The following CAMSAP3 variants were observed in gnomAD, a reference collection of about 807,000 sequenced individuals.
The protein encoded by CAMSAP3 is calmodulin-regulated spectrin-associated protein 3.
Under a neutral mutation model 112.5 loss-of-function variants are expected in CAMSAP3, and 34 were observed. That is an observed-to-expected ratio of 0.30 (90% confidence interval 0.23 to 0.40). CAMSAP3 has a LOEUF of 0.40. Ranked by LOEUF, CAMSAP3 falls within the 10% of genes least tolerant of loss-of-function variation. The pLI is 1.00. For synonymous variants in CAMSAP3, 868 were observed against 799.8 expected, an observed-to-expected ratio of 1.09 and a Z score of -1.44; for missense variants, 1,602 against 1,770.3, an observed-to-expected ratio of 0.90 and a Z score of 1.71.
At chr19:7,608,090 G>C in intron 4 of CAMSAP3, 36 bp from the exon 5 acceptor site, 1 of 1,597,384 alleles carries the variant, frequency 6.3e-7, no homozygotes, top group Non-Finnish European at 8.5e-7. Context: ...CTGGGGGCCA[G>C]CCTGGCCACT....
At chr19:7,606,448 G>C in intron 3 of CAMSAP3, 28 bp from the exon 4 acceptor site, 1 of 1,608,934 alleles carries the variant, frequency 6.2e-7, no homozygotes, top group South Asian at 1.1e-5. Flanking sequence ...CCAGTGGCCA[G>C]ACCACTGACC....
At position 7,615,433 on chromosome 19, in the gene CAMSAP3, G is replaced by T; in HGVS notation, c.2826G>T (p.Glu942Asp). ...TGATCTGCAGGCTGGCCCAAGAGGA[G>T]GCCCCGGGCCCAGCCCCGCTTGTGT... ...REEAARLAQEEAPGPAPLVSA... is the reference protein window; with the variant it reads ...REEAARLAQEDAPGPAPLVSA... The change falls in exon 13 of 17, where the codon GAG (glutamate) becomes GAT (aspartate). Residue 942 changes from glutamate to aspartate, a missense_variant. Physicochemically the swap from Glu to Asp is conservative, Grantham distance 45 (BLOSUM62 2). Around this residue, in one of 6 missense-constraint regions of CAMSAP3, gnomAD observed 1,100 missense variants for 1,135.7 expected, o/e 0.97. Coordinates refer to ENST00000160298, the MANE Select transcript of CAMSAP3 (RefSeq NM_020902.2). This position sits in a 1 kb window ranked among gnomAD's most constrained non-coding sequence, Gnocchi z 6.5. 1.3e-6 allele frequency: 2 copies of T among 1,540,908 alleles called. No individual in the cohort carries two copies. Among genetic ancestry groups the T allele is most frequent in the South Asian group, 1.2e-5 (1 of 83,910 alleles).
Position 7,607,749 on chromosome 19 carries a change from C to T in CAMSAP3, c.622-377C>T, listed in dbSNP as rs536410325. 55 of 577,206 alleles carry T rather than the reference C, an allele frequency of 9.5e-5. No homozygotes were observed. Among genetic ancestry groups the T allele is most frequent in the East Asian group, 2.2e-4 (7 of 31,608 alleles). The allele number at this position is 577,206 out of a possible 1,614,324, so 35.8% of individuals were successfully genotyped here. A position where few individuals can be genotyped will look rare whatever the true frequency, so the allele number is the denominator to read the frequency against. On this transcript the variant is annotated intron_variant, in intron 4 of 16. Transcript: ENST00000160298. The surrounding 1 kb of genome is among the most constrained non-coding windows in gnomAD (Gnocchi z 4.9). ...CCAGGGTCAGGGCTACCCCCTCCCC[C>T]CCAAGGTGGGCTTGGGGGCCCAGCA...
At position 7,617,642 on chromosome 19, in the gene CAMSAP3, A is replaced by C; in HGVS notation, c.3425A>C (p.Gln1142Pro). ...CCLAGKVNEP[Q>P]KNRILEEIEK... ...CTGGCGGGCAAGGTGAACGAACCGC[A>C]GAAGAATCGCATTCTGGAGGTGAGC... The change falls in exon 16 of 17, where the codon CAG (glutamine) becomes CCG (proline). Residue 1142 changes from glutamine (Q) to proline (P), a missense_variant. By Grantham distance (76) the Gln-to-Pro change is moderately conservative (BLOSUM62 -1). Coordinates refer to ENST00000160298, the MANE Select transcript of CAMSAP3 (RefSeq NM_020902.2). This position sits in a 1 kb window ranked among gnomAD's most constrained non-coding sequence, Gnocchi z 7.5. 1 of 1,614,176 alleles carries C rather than the reference A, an allele frequency of 6.2e-7. No individual in the cohort carries two copies. Among genetic ancestry groups the C allele is most frequent in the Non-Finnish European group, 8.5e-7 (1 of 1,180,022 alleles).
In CAMSAP3 at chr19:7,617,513, C is replaced by T. The variant is rs756055339; in HGVS notation, c.3326-30C>T. 27 of 1,609,902 alleles carry T rather than the reference C, an allele frequency of 1.7e-5. No individual in the cohort carries two copies. The Admixed American group carries it at 3.5e-4, about 21-fold the overall frequency. ...CAGCCCCTGCTCATTCCTGCTGCCC[C>T]CCACCCCCTCCCACTGCCTCACCCT... On this transcript the variant is annotated intron_variant, in intron 15 of 16. Transcript: ENST00000160298. The surrounding 1 kb of genome is among the most constrained non-coding windows in gnomAD (Gnocchi z 7.5).
In CAMSAP3 at chr19:7,595,917, GC is replaced by G; in HGVS notation, c.-85del. On this transcript the variant is annotated 5_prime_UTR_variant, in exon 1 of 17. Transcript: ENST00000160298. ...GGCGGCGGCAGCGGCGGTAGCAGCA[GC>G]GGGCCCGGCTGGGGCGCGAGCGCGG... The G allele has an allele frequency of 1.6e-6, 1 of 644,618 alleles. No individual in the cohort carries two copies. Among genetic ancestry groups the G allele is most frequent in the Non-Finnish European group, 1.9e-6 (1 of 519,892 alleles). 39.9% of individuals were successfully genotyped at this position (644,618 alleles called of 1,614,324 possible).
At position 7,596,343 on chromosome 19, in the gene CAMSAP3, G is replaced by A. The variant is rs2146148432; in HGVS notation, c.148+193G>A. Among the ~76,000 whole-genome samples, 2 of 151,192 alleles carry A rather than the reference G, an allele frequency of 1.3e-5. 1 individual carries two copies. Among genetic ancestry groups the A allele is most frequent in the South Asian group, 4.1e-4 (2 of 4,824 alleles). ...CTGCTCGGCCCGGGCGGTGGACTTT[G>A]CCCCGCCGGCTGCGGGAGCGCGGTG... On this transcript the variant is annotated intron_variant, in intron 1 of 16. Coordinates refer to ENST00000160298, the MANE Select transcript of CAMSAP3 (RefSeq NM_020902.2).
At position 7,596,546 on chromosome 19, in the gene CAMSAP3, C is replaced by G. The variant is rs561501210; in HGVS notation, c.148+396C>G. The stretch of plus-strand genomic sequence containing the variant: ...CTTCTCTTTTACACACATCACGCCC[C>G]TGCGAGGATCTCCTCTCGGTCTCTT... On this transcript the variant is annotated intron_variant, in intron 1 of 16. Coordinates refer to ENST00000160298, the MANE Select transcript of CAMSAP3 (RefSeq NM_020902.2). 1.9e-3 allele frequency among the ~76,000 whole-genome samples: 290 copies of G among 152,264 alleles called. 1 individual carries two copies. Among genetic ancestry groups the G allele is most frequent in the African/African-American group, 6.4e-3 (267 of 41,566 alleles).
intron 1 of CAMSAP3, 23 bp downstream of exon 1, chr19:7,596,173 G>T: frequency 1.3e-6 from 1 of 799,476 alleles, no homozygotes; most frequent in South Asian, 5.7e-5. Flanking sequence ...GGGGGACCGG[G>T]GTCGGGGGCG....
Position 7,595,967 on chromosome 19 carries a change from G to A in CAMSAP3, c.-36G>A. 3 of 1,027,424 alleles carry A rather than the reference G, an allele frequency of 2.9e-6. No homozygotes were observed. Among genetic ancestry groups the A allele is most frequent in the Non-Finnish European group, 3.5e-6 (3 of 850,406 alleles). 63.6% of individuals were successfully genotyped at this position (1,027,424 alleles called of 1,614,324 possible). A position where few individuals can be genotyped will look rare whatever the true frequency, so the allele number is the denominator to read the frequency against. On this transcript the variant is annotated 5_prime_UTR_variant, in exon 1 of 17. Transcript: ENST00000160298. ...GGCGCAGCCCAGCCCAGCCCAGTCC[G>A]AGCGCGGACCCGGCGCCCGCAGCCC... is the stretch of plus-strand genomic sequence containing the variant.
At chr19:7,598,522 C>T (rs560366558) in intron 1 of CAMSAP3, among the ~76,000 whole-genome samples, 1 of 152,122 alleles carries the variant, frequency 6.6e-6, no homozygotes, top group Non-Finnish European at 1.5e-5. Flanking sequence ...CTCCAAGGCA[C>T]AGGTGTGAGA....
intron 11 of CAMSAP3, among the ~76,000 whole-genome samples, chr19:7,613,649 G>A (rs2030627114): frequency 6.6e-6 from 1 of 151,882 alleles, no homozygotes; most frequent in African/African-American, 2.4e-5. Context: ...AAACAGGGAG[G>A]AGTCATGGAT....
chr19:7,617,415 C>T lies in CAMSAP3; in HGVS notation c.3302C>T (p.Pro1101Leu). ...GAAAATGGCAGCAATGCCTCCTCCCCAGCGTCAGTGCCCGAGTACACAGGT... is the reference window on the plus strand; with the variant it reads ...GAAAATGGCAGCAATGCCTCCTCCCTAGCGTCAGTGCCCGAGTACACAGGT... ...DWENGSNASS[P>L]ASVPEYTGPR... Residue 1101 changes from proline to leucine, a missense_variant, in exon 15 of 17, where the codon CCA becomes CTA. Physicochemically the swap from Pro to Leu is moderately conservative, Grantham distance 98. Around this residue, in one of 6 missense-constraint regions of CAMSAP3, gnomAD observed 1,100 missense variants for 1,135.7 expected, o/e 0.97. Coordinates refer to ENST00000160298, the MANE Select transcript of CAMSAP3 (RefSeq NM_020902.2). The surrounding 1 kb of genome is among the most constrained non-coding windows in gnomAD (Gnocchi z 7.5). 3 of 1,614,062 alleles carry T rather than the reference C, an allele frequency of 1.9e-6. No homozygotes were observed. Among genetic ancestry groups the T allele is most frequent in the Non-Finnish European group, 1.7e-6 (2 of 1,179,976 alleles).
rs1193884101 is a variant in CAMSAP3 at position 7,611,039 on chromosome 19, G to C, written c.1050-56G>C. 2.5e-6 allele frequency: 4 copies of C among 1,604,956 alleles called. No individual in the cohort carries two copies. Among genetic ancestry groups the C allele is most frequent in the Non-Finnish European group, 3.4e-6 (4 of 1,172,738 alleles). Reference sequence around the variant, plus strand: ...GGGTGATGCTGTTGTCTCCCCCCGGGGAGAGGCGGAGGAGGAGGTGGGGGT... The same window carrying C: ...GGGTGATGCTGTTGTCTCCCCCCGGCGAGAGGCGGAGGAGGAGGTGGGGGT... On this transcript the variant is annotated intron_variant, in intron 8 of 16. Transcript: ENST00000160298. This position sits in a 1 kb window ranked among gnomAD's most constrained non-coding sequence, Gnocchi z 6.9.
In CAMSAP3 at chr19:7,615,081, C is replaced by A; in HGVS notation, c.2671-102C>A. 7.0e-7 allele frequency: 1 copy of A among 1,420,664 alleles called. No homozygotes were observed. Among genetic ancestry groups the A allele is most frequent in the Non-Finnish European group, 9.7e-7 (1 of 1,031,654 alleles). The allele number at this position is 1,420,664 out of a possible 1,614,324, so 88.0% of individuals were successfully genotyped here. ...AGTGCATTTAGAACAATGATGAAAACAAAAGCACAGGTGGGTGGCGGGCAG... is the reference window on the plus strand; with the variant it reads ...AGTGCATTTAGAACAATGATGAAAAAAAAAGCACAGGTGGGTGGCGGGCAG... On this transcript the variant is annotated intron_variant, in intron 11 of 16. Coordinates refer to ENST00000160298, the MANE Select transcript of CAMSAP3 (RefSeq NM_020902.2). The surrounding 1 kb of genome is among the most constrained non-coding windows in gnomAD (Gnocchi z 6.5).
chr19:7,614,427 A>G (rs2146174428), intron 11 of CAMSAP3, among the ~76,000 whole-genome samples: 1 of 148,674 alleles, frequency 6.7e-6, no homozygotes, highest in East Asian at 2.0e-4. Flanking sequence ...GTTCACTGCA[A>G]CCTCCACCTC....
rs981212281 is a variant in CAMSAP3, at chr19:7,615,918, G to C, written c.3112+199G>C. 1.3e-5 allele frequency among the ~76,000 whole-genome samples: 2 copies of C among 152,076 alleles called. No homozygotes were observed. Among genetic ancestry groups the C allele is most frequent in the Non-Finnish European group, 2.9e-5 (2 of 67,980 alleles). On this transcript the variant is annotated intron_variant, in intron 13 of 16. Transcript: ENST00000160298. The surrounding 1 kb of genome is among the most constrained non-coding windows in gnomAD (Gnocchi z 6.5). ...AAGACTTCCATAGGGGGCCGGGCGC[G>C]GTGGCTCACGCCTGTAATCCCAGCA... is the stretch of plus-strand genomic sequence containing the variant.
rs777577670 is a variant in CAMSAP3 at position 7,612,618 on chromosome 19, G to T, written c.2125G>T (p.Ala709Ser). 1 of 1,526,400 alleles carries T rather than the reference G, an allele frequency of 6.6e-7. No individual in the cohort carries two copies. Among genetic ancestry groups the T allele is most frequent in the Non-Finnish European group, 8.8e-7 (1 of 1,139,538 alleles). The allele number at this position is 1,526,400 out of a possible 1,614,324, so 94.6% of individuals were successfully genotyped here. A position where few individuals can be genotyped will look rare whatever the true frequency, so the allele number is the denominator to read the frequency against. Residue 709 changes from alanine to serine, a missense_variant, in exon 11 of 17, where the codon GCC becomes TCC. By Grantham distance (99) the Ala-to-Ser change is moderately conservative (BLOSUM62 1). Around this residue, in one of 6 missense-constraint regions of CAMSAP3, gnomAD observed 1,100 missense variants for 1,135.7 expected, o/e 0.97. Coordinates refer to ENST00000160298, the MANE Select transcript of CAMSAP3 (RefSeq NM_020902.2). ...YNRAVSKLSA[A>S]LSSLQRDMQR... The stretch of plus-strand genomic sequence containing the variant: ...TCGAGCGGTCAGCAAGCTGAGTGCC[G>T]CCTTGAGCTCGCTGCAGCGGGACAT...
chr19:7,595,901 A>G lies in CAMSAP3; in HGVS notation c.-102A>G, dbSNP rs574567910. On this transcript the variant is annotated 5_prime_UTR_variant, in exon 1 of 17. Coordinates refer to ENST00000160298, the MANE Select transcript of CAMSAP3 (RefSeq NM_020902.2). The stretch of plus-strand genomic sequence containing the variant: ...CAGCGGCGGCGGCGGCGGCGGCGGC[A>G]GCGGCGGTAGCAGCAGCGGGCCCGG... The G allele has an allele frequency of 1.5e-5, 7 of 470,438 alleles. No homozygotes were observed. The highest frequency in any genetic ancestry group is 1.9e-5 in the Non-Finnish European group (7 of 364,414). 29.1% of individuals were successfully genotyped at this position (470,438 alleles called of 1,614,324 possible). A position where few individuals can be genotyped will look rare whatever the true frequency, so the allele number is the denominator to read the frequency against.
Sources: allele counts gnomAD v4.1 joint callset (sites outside exome capture counted in the v4.1 genomes callset), GRCh38; gene constraint gnomAD v4.1.1; regional missense constraint gnomAD v4.1.1; non-coding constraint Gnocchi (gnomAD v3.1); transcripts MANE v1.5; gene names NCBI Gene and HGNC (gene_info 2026-07-23, HGNC 2026-07-21).